Variants in ADGRV1 observed in about 807,000 individuals in gnomAD.
ADGRV1 encodes adhesion G protein-coupled receptor V1, also known as G-protein coupled receptor 98.
ADGRV1 carries 359 observed loss-of-function variants against 596.2 expected under a neutral mutation model. That is an observed-to-expected ratio of 0.60 (90% confidence interval 0.55 to 0.66). The LOEUF (loss-of-function observed/expected upper bound fraction) is 0.66. Ranked by LOEUF, ADGRV1 falls within the 30% of genes least tolerant of loss-of-function variation. The pLI is 0.00. For missense variants in ADGRV1, 7,274 were observed against 7,575.6 expected (o/e 0.96, Z 1.48); for synonymous variants, 2,681 against 2,679.2 (o/e 1.00, Z -0.02).
At chr5:90,870,446 A>G (rs1768553173) in intron 83 of ADGRV1, among the ~76,000 whole-genome samples, 1 of 152,182 alleles carries the variant, frequency 6.6e-6, no homozygotes, top group South Asian at 2.1e-4. Flanking sequence ...ATGTGGAATG[A>G]GAAGGATCAC....
chr5:91,039,222 T>C (rs941734763), intron 85 of ADGRV1, among the ~76,000 whole-genome samples: 1 of 152,182 alleles, frequency 6.6e-6, no homozygotes, highest in Middle Eastern at 3.2e-3. Flanking sequence ...AACTTTCAGA[T>C]CAGGGTAGGA....
chr5:91,062,230 A>G (rs1037764831), intron 85 of ADGRV1, among the ~76,000 whole-genome samples: 2 of 152,122 alleles, frequency 1.3e-5, no homozygotes, highest in African/African-American at 4.8e-5. Flanking sequence ...TTGCTCCAAT[A>G]TGGCCATTTG....
chr5:91,031,014 C>T (rs1179408699), intron 85 of ADGRV1: 1 of 1,488,204 alleles, frequency 6.7e-7, no homozygotes, highest in Non-Finnish European at 9.0e-7. Flanking sequence ...GTCTGCTGAT[C>T]TGATTAGAAA....
At position 90,926,706 on chromosome 5, in the gene ADGRV1, GTTC is replaced by G. The variant is rs758035865; in HGVS notation, c.17857-38706_17857-38704del. 2.6e-3 allele frequency among the ~76,000 whole-genome samples: 390 copies of G among 149,872 alleles called. 2 individuals are homozygous for G. Among genetic ancestry groups the G allele is most frequent in the Non-Finnish European group, 3.4e-3 (228 of 67,522 alleles). ...GAATGTGTTTGCTCTTGCTTTTCTA[GTTC>G]TTTTAATTGTGATGTTAGGGTGTCA... On this transcript the variant is annotated intron_variant, in intron 83 of 89. Transcript: ENST00000405460.
rs1158159700 is a variant in ADGRV1 at position 90,947,837 on chromosome 5, A to G, written c.17857-17578A>G. 2.6e-5 allele frequency among the ~76,000 whole-genome samples: 4 copies of G among 152,156 alleles called. No individual in the cohort carries two copies. The South Asian group carries it at 8.3e-4, about 31-fold the overall frequency. On this transcript the variant is annotated intron_variant, in intron 83 of 89. Transcript: ENST00000405460. ...TATCATCAATCATTGATGTTATTTT[A>G]TGGCATAATGACATTAATATGTAGT... is the stretch of plus-strand genomic sequence containing the variant.
intron 85 of ADGRV1, among the ~76,000 whole-genome samples, chr5:90,996,627 G>C (rs1781443402): frequency 6.6e-6 from 1 of 152,206 alleles, no homozygotes; most frequent in Admixed American, 6.5e-5. Context: ...GCCTAGTGGA[G>C]CTGTGAGGAG....
chr5:90,719,422 G>T (rs1190333314), intron 43 of ADGRV1, among the ~76,000 whole-genome samples: 1 of 152,046 alleles, frequency 6.6e-6, no homozygotes, highest in Non-Finnish European at 1.5e-5. Flanking sequence ...CCTTTCCAGA[G>T]GAAACTACTT....
At chr5:90,738,161 T>A (rs1454772559) in intron 50 of ADGRV1, among the ~76,000 whole-genome samples, 2 of 152,158 alleles carry the variant, frequency 1.3e-5, no homozygotes, top group Admixed American at 6.5e-5. Context: ...AACAGCTATT[T>A]TAAATTGATA....
intron 31 of ADGRV1, chr5:90,691,254 A>C (rs1183201675): frequency 3.2e-6 from 2 of 627,090 alleles, no homozygotes; most frequent in Admixed American, 2.2e-5. Context: ...GTTTACTACT[A>C]TAAGACTTTT....
chr5:90,905,397 C>T (rs139784078), intron 83 of ADGRV1, among the ~76,000 whole-genome samples: 328 of 152,018 alleles, frequency 2.2e-3, no homozygotes, highest in African/African-American at 7.6e-3. Flanking sequence ...TTGGTACCCC[C>T]TTCCATTTTT....
intron 85 of ADGRV1, among the ~76,000 whole-genome samples, chr5:91,066,379 G>A (rs1189928554): frequency 1.3e-5 from 2 of 152,152 alleles, no homozygotes; most frequent in African/African-American, 4.8e-5. Context: ...TGGGTGGACT[G>A]GAGGAAATTC....
At chr5:91,144,666 A>T (rs1305669173) in intron 87 of ADGRV1, among the ~76,000 whole-genome samples, 1 of 152,222 alleles carries the variant, frequency 6.6e-6, no homozygotes, top group Non-Finnish European at 1.5e-5. Flanking sequence ...CAAAATAATC[A>T]AAATGGTAAT....
intron 79 of ADGRV1, among the ~76,000 whole-genome samples, chr5:90,851,735 G>A (rs1435071856): frequency 6.6e-6 from 1 of 152,182 alleles, no homozygotes; most frequent in African/African-American, 2.4e-5. Flanking sequence ...AGGGACATAG[G>A]TGTCATAGGA....
At chr5:90,888,945 T>A (rs756202009) in intron 83 of ADGRV1, among the ~76,000 whole-genome samples, 2 of 152,152 alleles carry the variant, frequency 1.3e-5, no homozygotes, top group Admixed American at 6.6e-5. Flanking sequence ...TGGCTACATC[T>A]GGGATATCAT....
At chr5:90,848,481 TA>T (rs1353401385) in intron 78 of ADGRV1, among the ~76,000 whole-genome samples, 155 bp from the exon 79 acceptor site, 10 of 152,156 alleles carry the variant, frequency 6.6e-5, no homozygotes, top group Non-Finnish European at 2.9e-5. Context: ...ATATTTGAAA[TA>T]TAATTTTGAT....
At chr5:91,001,011 A>T (rs1393973645) in intron 85 of ADGRV1, among the ~76,000 whole-genome samples, 1 of 152,192 alleles carries the variant, frequency 6.6e-6, no homozygotes, top group African/African-American at 2.4e-5. Context: ...ATCTAAAACC[A>T]TTCTTACAAA....
intron 1 of ADGRV1, among the ~76,000 whole-genome samples, chr5:90,588,118 TTA>T (rs1322282225): frequency 6.6e-6 from 1 of 152,146 alleles, no homozygotes; most frequent in East Asian, 1.9e-4. Flanking sequence ...CTAGAAAAAT[TTA>T]TGTCTGTGCT....
At chr5:91,162,894 T>C (rs1421433072) in intron 89 of ADGRV1, among the ~76,000 whole-genome samples, 1 of 152,188 alleles carries the variant, frequency 6.6e-6, no homozygotes, top group African/African-American at 2.4e-5. Flanking sequence ...ACTTTCCTCC[T>C]TGTTTGCAGA....
intron 38 of ADGRV1, 116 bp downstream of exon 38, chr5:90,706,510 C>T: frequency 3.5e-6 from 3 of 861,312 alleles, no homozygotes; most frequent in Non-Finnish European, 3.5e-6. Flanking sequence ...CATATATATA[C>T]ATGTGCCATG....
Sources: gnomAD v4.1 joint callset for allele counts (sites outside exome capture counted in the v4.1 genomes callset) on GRCh38, gnomAD v4.1.1 for gene constraint, MANE v1.5 for transcripts, NCBI Gene and HGNC (gene_info 2026-07-23, HGNC 2026-07-21) for gene names.